Variants in FBXL3 observed in about 807,000 individuals in gnomAD.
The protein encoded by FBXL3 is F-box/LRR-repeat protein 3.
Under a neutral mutation model 37.9 loss-of-function variants are expected in FBXL3, and 14 were observed. That is an observed-to-expected ratio of 0.37 (90% CI 0.24 to 0.58). FBXL3 has a LOEUF of 0.58. Ranked by LOEUF, FBXL3 falls within the 20% of genes least tolerant of loss-of-function variation. The pLI, the probability that FBXL3 is intolerant of heterozygous loss-of-function variation, is 0.74. For missense variants in FBXL3, 327 were observed against 511.1 expected (o/e 0.64, Z 3.47); for synonymous variants, 194 against 180.1 (o/e 1.08, Z -0.62).
At chr13:77,011,680 G>A (rs1257556430) in intron 4 of FBXL3, among the ~76,000 whole-genome samples, 5 of 141,672 alleles carry the variant, frequency 3.5e-5, no homozygotes, top group East Asian at 2.1e-4. Context: ...CCAGGATCAC[G>A]CCACTCCACT....
chr13:77,018,532 CAAA>C, intron 3 of FBXL3, 65 bp downstream of exon 3: 1 of 1,159,954 alleles, frequency 8.6e-7, no homozygotes, highest in Non-Finnish European at 1.1e-6. Flanking sequence ...ACTGTCAATA[CAAA>C]AAAAAAAGAT....
At chr13:77,017,799 C>T (rs1294531506) in intron 3 of FBXL3, 1 of 152,086 alleles carries the variant, frequency 6.6e-6, no homozygotes, top group East Asian at 1.9e-4. Flanking sequence ...GAAACGACCA[C>T]TTGGGTTAAT....
At chr13:77,017,596 G>A (rs1485048553) in intron 3 of FBXL3, 6 of 151,972 alleles carry the variant, frequency 3.9e-5, no homozygotes, top group Admixed American at 3.3e-4. Flanking sequence ...ACATTAAGTC[G>A]GAGTACCACA....
chr13:77,005,295 G>A lies in FBXL3; in HGVS notation c.*1850C>T, dbSNP rs1020735159. On this transcript the variant is annotated 3_prime_UTR_variant, in exon 5 of 5. Transcript: ENST00000355619. ...ACTTTTTATTCTCAAAGTGATAAAA[G>A]CATTTAACATATACTTTACAGTATA... 1.6e-4 allele frequency: 25 copies of A among 152,526 alleles called. No individual in the cohort carries two copies. The highest frequency in any genetic ancestry group is 6.0e-4 in the African/African-American group (25 of 41,512). 9.4% of individuals were successfully genotyped at this position (152,526 alleles called of 1,614,324 possible).
intron 4 of FBXL3, chr13:77,012,741 A>T (rs193049274): frequency 3.1e-4 from 47 of 152,324 alleles, no homozygotes; most frequent in Admixed American, 2.0e-3. Context: ...CTGAAATCTT[A>T]TGTGGTTATG....
chr13:77,018,421 TAAAA>T (rs5804888), intron 3 of FBXL3, 175 bp downstream of exon 3: 979 of 291,624 alleles, frequency 3.4e-3, no homozygotes, highest in Middle Eastern at 4.0e-3. Flanking sequence ...TATGGTGATT[TAAAA>T]AAAAAAAAAA....
In FBXL3 at chr13:77,007,305, A is replaced by G; in HGVS notation, c.1127T>C (p.Phe376Ser). ...LGECEVSCSA[F>S]VEFVKMCGGR... ...ACCACACATCTTCACAAACTCAACA[A>G]AGGCACTACATGAGACTTCACATTC... Residue 376 changes from phenylalanine (F) to serine (S), a missense_variant, in exon 5 of 5, where the codon TTT becomes TCT. Transcript: ENST00000355619. The G allele has an allele frequency of 6.2e-7, 1 of 1,614,124 alleles. No individual in the cohort carries two copies. Among genetic ancestry groups the G allele is most frequent in the South Asian group, 1.1e-5 (1 of 91,082 alleles).
At chr13:77,021,427 T>C (rs2034741426) in intron 2 of FBXL3, 86 bp downstream of exon 2, 1 of 1,022,896 alleles carries the variant, frequency 9.8e-7, no homozygotes, top group Non-Finnish European at 1.4e-6. Context: ...AAGCAAATAT[T>C]TTAAAGGCAT....
In FBXL3 at chr13:77,018,584, C is replaced by G. The variant is rs2034685880; in HGVS notation, c.471+16G>C. The G allele has an allele frequency of 1.9e-6, 3 of 1,541,634 alleles. No homozygotes were observed. The highest frequency in any genetic ancestry group is 2.6e-6 in the Non-Finnish European group (3 of 1,150,302). On this transcript the variant is annotated intron_variant, in intron 3 of 4. Transcript: ENST00000355619. ...AATTTCTCAGTAATAGATAATAAAA[C>G]AAAAACAGCAGATACCTTTGGTAAA...
chr13:77,012,099 G>C (rs1187865233), intron 4 of FBXL3, among the ~76,000 whole-genome samples: 1 of 152,202 alleles, frequency 6.6e-6, no homozygotes, highest in Non-Finnish European at 1.5e-5. Flanking sequence ...GGATGGCTGG[G>C]ATGGAGGTTT....
intron 3 of FBXL3, 172 bp from the exon 4 acceptor site, chr13:77,015,752 A>C (rs2034631885): frequency 2.5e-6 from 1 of 397,726 alleles, no homozygotes; most frequent in Non-Finnish European, 4.4e-6. Flanking sequence ...AAAATAGGTG[A>C]CTATCTGTCA....
rs1173004420 is a variant in FBXL3 at position 77,007,265 on chromosome 13, T to C, written c.1167A>G (p.Gln389=). 1.1e-5 allele frequency: 17 copies of C among 1,614,088 alleles called. No individual in the cohort carries two copies. In the East Asian group the frequency reaches 1.1e-4, roughly 11 times the overall value. The change falls in exon 5 of 5, where the codon CAA becomes CAG. Residue 389 remains glutamine, a synonymous_variant. Transcript: ENST00000355619. ...TTAGTACTTCTTCCATAATGGATAA[T>C]TGAGATAGGCGGCCACCACACATCT... ...FVKMCGGRLS[Q]LSIMEEVLIP... is the part of the protein sequence containing the mutation.
At position 77,026,071 on chromosome 13, in the gene FBXL3, A is replaced by T. The variant is rs1043738108; in HGVS notation, c.-2+756T>A. 3.3e-5 allele frequency: 19 copies of T among 568,540 alleles called. No homozygotes were observed. In the African/African-American group the frequency reaches 3.5e-4, roughly 10 times the overall value. The allele number at this position is 568,540 out of a possible 1,614,324, so 35.2% of individuals were successfully genotyped here. A position where few individuals can be genotyped will look rare whatever the true frequency, so the allele number is the denominator to read the frequency against. Reference sequence around the variant, plus strand: ...TTTCAGAGATAACAGAAACTAAGTTACTTTTTTTTCAAGTTAGAAAAGGAG... The same window carrying T: ...TTTCAGAGATAACAGAAACTAAGTTTCTTTTTTTTCAAGTTAGAAAAGGAG... On this transcript the variant is annotated intron_variant, in intron 1 of 4. Transcript: ENST00000355619.
intron 1 of FBXL3, among the ~76,000 whole-genome samples, chr13:77,026,545 G>A (rs2034842243): frequency 6.6e-6 from 1 of 152,180 alleles, no homozygotes; most frequent in Non-Finnish European, 1.5e-5. Context: ...GAACCCGGGA[G>A]CGGCGGCGTC....
chr13:77,024,522 T>G (rs1168780575), intron 1 of FBXL3, among the ~76,000 whole-genome samples: 1 of 152,210 alleles, frequency 6.6e-6, no homozygotes, highest in Non-Finnish European at 1.5e-5. Flanking sequence ...TATATGGATA[T>G]ATAAACAAAA....
chr13:77,007,399 G>C lies in FBXL3; in HGVS notation c.1033C>G (p.Arg345Gly). Reference sequence around the variant, plus strand: ...CGAATTAACTCTTCATCAAGTGGCCGTAATCCATTTGCACACACTACTAGT... The same window carrying C: ...CGAATTAACTCTTCATCAAGTGGCCCTAATCCATTTGCACACACTACTAGT... The part of the protein sequence containing the change: ...VELVVCANGL[R>G]PLDEELIRIA... The change falls in exon 5 of 5, where the codon CGG (arginine) becomes GGG (glycine). Residue 345 changes from arginine to glycine, a missense_variant. Transcript: ENST00000355619. 4 of 1,614,150 alleles carry C rather than the reference G, an allele frequency of 2.5e-6. No homozygotes were observed. The highest frequency in any genetic ancestry group is 3.4e-6 in the Non-Finnish European group (4 of 1,180,042).
At chr13:77,023,345 A>AGAGAGT (rs199568005) in intron 1 of FBXL3, among the ~76,000 whole-genome samples, 205 of 147,594 alleles carry the variant, frequency 1.4e-3, no homozygotes, top group Middle Eastern at 0.014. Context: ...AGAGAGAGAG[A>AGAGAGT]GTGTGTGTGT....
Position 77,021,700 on chromosome 13 carries a change from A to G in FBXL3, c.161T>C (p.Leu54Pro). 1 of 1,614,108 alleles carries G rather than the reference A, an allele frequency of 6.2e-7. No individual in the cohort carries two copies. Among genetic ancestry groups the G allele is most frequent in the Non-Finnish European group, 8.5e-7 (1 of 1,180,028 alleles). Residue 54 changes from leucine to proline, a missense_variant, in exon 2 of 5, where the codon CTT becomes CCT. Coordinates refer to ENST00000355619, the MANE Select transcript of FBXL3 (RefSeq NM_012158.4). The stretch of plus-strand genomic sequence containing the variant: ...AACTTGTGAAGCATGAGCCCGGTCA[A>G]GAAGAGGCAAATATTTAAATACTTG... ...ILQVFKYLPL[L>P]DRAHASQVCR...
At position 77,007,070 on chromosome 13, in the gene FBXL3, A is replaced by G. The variant is rs1195937834; in HGVS notation, c.*75T>C. 9 of 1,497,688 alleles carry G rather than the reference A, an allele frequency of 6.0e-6. No homozygotes were observed. The highest frequency in any genetic ancestry group is 8.0e-6 in the Non-Finnish European group (9 of 1,131,768). 92.8% of individuals were successfully genotyped at this position (1,497,688 alleles called of 1,614,324 possible). A position where few individuals can be genotyped will look rare whatever the true frequency, so the allele number is the denominator to read the frequency against. ...CTGTGCCACAAAATAGTAGAATTAT[A>G]TCAGAACTACAGCAAATAAAACTTT... On this transcript the variant is annotated 3_prime_UTR_variant, in exon 5 of 5. Transcript: ENST00000355619.
Sources: gnomAD v4.1 joint callset for allele counts (sites outside exome capture counted in the v4.1 genomes callset) on GRCh38, gnomAD v4.1.1 for gene constraint, MANE v1.5 for transcripts, NCBI Gene and HGNC (gene_info 2026-07-23, HGNC 2026-07-21) for gene names.